Variants in WSCD2 observed in about 807,000 individuals in gnomAD.
WSCD2 encodes the protein sialate:O-sulfotransferase 2.
WSCD2 carries 28 observed loss-of-function variants against 55.7 expected under a neutral mutation model. The ratio of observed to expected loss-of-function variants is 0.50; its 90% CI spans 0.37 to 0.69. The LOEUF (loss-of-function observed/expected upper bound fraction) is 0.69. WSCD2 is among the 30% of genes least tolerant of loss of function. WSCD2 has a pLI of 0.00. For synonymous variants in WSCD2, 301 were observed against 301.9 expected (o/e 1.00, Z 0.03); for missense variants, 616 against 762.1 (o/e 0.81, Z 2.26).
intron 4 of WSCD2, among the ~76,000 whole-genome samples, chr12:108,215,742 A>G (rs77214405): frequency 2.0e-5 from 3 of 152,266 alleles, no homozygotes; most frequent in African/African-American, 7.2e-5. Flanking sequence ...TTTCAAACCA[A>G]GGAGAACTCT....
intron 1 of WSCD2, among the ~76,000 whole-genome samples, chr12:108,151,555 G>A (rs567331331): frequency 6.6e-6 from 1 of 152,278 alleles, no homozygotes; most frequent in East Asian, 1.9e-4. Flanking sequence ...TATGTATTTG[G>A]GGAAATTGAT....
chr12:108,145,849 G>A (rs1161084891), intron 1 of WSCD2, among the ~76,000 whole-genome samples: 1 of 152,194 alleles, frequency 6.6e-6, no homozygotes, highest in Non-Finnish European at 1.5e-5. Flanking sequence ...AAATAATGGT[G>A]AGTGAAAAAA....
intron 6 of WSCD2, among the ~76,000 whole-genome samples, chr12:108,231,012 T>G (rs1391926427): frequency 6.6e-6 from 1 of 152,186 alleles, no homozygotes; most frequent in Admixed American, 6.5e-5. Flanking sequence ...TGTTCCTGTT[T>G]GAGTGCTAAT....
intron 4 of WSCD2, among the ~76,000 whole-genome samples, chr12:108,219,996 G>T (rs1887301120): frequency 6.6e-6 from 1 of 152,212 alleles, no homozygotes; most frequent in Non-Finnish European, 1.5e-5. Context: ...CTTTCTGAGT[G>T]ATTTGTGGTG....
intron 7 of WSCD2, among the ~76,000 whole-genome samples, chr12:108,237,210 T>C (rs1237023297): frequency 6.6e-6 from 1 of 152,190 alleles, no homozygotes; most frequent in Admixed American, 6.5e-5. Context: ...CCCTTCTCTG[T>C]TCCTTAGCTC....
intron 1 of WSCD2, among the ~76,000 whole-genome samples, chr12:108,145,129 T>C (rs1310107846): frequency 1.3e-5 from 2 of 152,184 alleles, no homozygotes; most frequent in Non-Finnish European, 2.9e-5. Context: ...TTCCCCCAGC[T>C]CCTTAAACAC....
At chr12:108,217,901 T>C (rs552724427) in intron 4 of WSCD2, among the ~76,000 whole-genome samples, 1 of 152,142 alleles carries the variant, frequency 6.6e-6, no homozygotes, top group South Asian at 2.1e-4. Context: ...CATTAGCAGG[T>C]GCTTAAATGT....
At chr12:108,230,028 T>C (rs1888575878) in intron 6 of WSCD2, among the ~76,000 whole-genome samples, 1 of 152,200 alleles carries the variant, frequency 6.6e-6, no homozygotes, top group Non-Finnish European at 1.5e-5. Context: ...TTCCTAATTT[T>C]TGGTGCATTT....
chr12:108,173,147 G>A (rs1880408424), intron 1 of WSCD2, among the ~76,000 whole-genome samples: 1 of 152,120 alleles, frequency 6.6e-6, no homozygotes, highest in South Asian at 2.1e-4. Context: ...CTCCAGTCTA[G>A]AGGGCTAAGA....
chr12:108,168,348 A>G (rs374612818), intron 1 of WSCD2, among the ~76,000 whole-genome samples: 8 of 152,138 alleles, frequency 5.3e-5, no homozygotes, highest in East Asian at 1.9e-4. Flanking sequence ...CAAGTCACAT[A>G]TCTTCCCTGG....
At chr12:108,199,770 A>G (rs962406121) in intron 2 of WSCD2, among the ~76,000 whole-genome samples, 1 of 152,220 alleles carries the variant, frequency 6.6e-6, no homozygotes. Flanking sequence ...AGAGAAGTTA[A>G]GTAACTTGCC....
chr12:108,189,891 G>A (rs902808736), intron 1 of WSCD2: 2 of 146,712 alleles, frequency 1.4e-5, no homozygotes, highest in Admixed American at 1.4e-4. Context: ...ATTAATGAGG[G>A]AGAAATTCCG....
intron 1 of WSCD2, among the ~76,000 whole-genome samples, chr12:108,183,389 A>G (rs1735232471): frequency 6.6e-6 from 1 of 152,058 alleles, no homozygotes; most frequent in Non-Finnish European, 1.5e-5. Flanking sequence ...AACTCTGTGT[A>G]TGTGCTGGGG....
intron 1 of WSCD2, among the ~76,000 whole-genome samples, chr12:108,181,559 A>C (rs967689531): frequency 6.6e-6 from 1 of 152,100 alleles, no homozygotes; most frequent in African/African-American, 2.4e-5. Flanking sequence ...CCCATTTACA[A>C]GTTGGGAAAA....
At chr12:108,172,415 A>G (rs1880337960) in intron 1 of WSCD2, among the ~76,000 whole-genome samples, 1 of 152,240 alleles carries the variant, frequency 6.6e-6, no homozygotes, top group African/African-American at 2.4e-5. Context: ...TACTGGGCTA[A>G]AGAGTGCCCC....
At chr12:108,232,568 G>C (rs1244342129) in intron 6 of WSCD2, among the ~76,000 whole-genome samples, 163 bp from the exon 7 acceptor site, 1 of 152,100 alleles carries the variant, frequency 6.6e-6, no homozygotes, top group East Asian at 1.9e-4. Context: ...TTACAGATGG[G>C]AAAGCTGAGG....
intron 1 of WSCD2, among the ~76,000 whole-genome samples, chr12:108,155,088 C>T (rs1197885598): frequency 1.3e-5 from 2 of 152,166 alleles, no homozygotes; most frequent in African/African-American, 4.8e-5. Context: ...TGACCTCAGC[C>T]AAGTCACATT....
At chr12:108,133,079 GTGAC>G (rs1390832318) in intron 1 of WSCD2, among the ~76,000 whole-genome samples, 1 of 152,154 alleles carries the variant, frequency 6.6e-6, no homozygotes, top group African/African-American at 2.4e-5. Flanking sequence ...CTGTGGGTGT[GTGAC>G]TGTGTGTATT....
At chr12:108,173,840 G>GTGTGTGTGTGTGTT (rs1880517735) in intron 1 of WSCD2, among the ~76,000 whole-genome samples, 1 of 151,480 alleles carries the variant, frequency 6.6e-6, no homozygotes, top group Non-Finnish European at 1.5e-5. Context: ...GTGTGTGTGT[G>GTGTGTGTGTGTGTT]TGTGTGTGTG....
Sources: allele counts gnomAD v4.1 joint callset (sites outside exome capture counted in the v4.1 genomes callset), GRCh38; gene constraint gnomAD v4.1.1; transcripts MANE v1.5; gene names NCBI Gene and HGNC (gene_info 2026-07-23, HGNC 2026-07-21).